TRAF3IP3: variants seen among roughly 807,000 people sequenced by gnomAD.
The protein encoded by TRAF3IP3 is TRAF3 interacting protein 3.
In TRAF3IP3, 64 loss-of-function variants were observed where a neutral mutation model predicts 86.5. The ratio of observed to expected loss-of-function variants is 0.74; its 90% CI spans 0.60 to 0.91. The LOEUF (loss-of-function observed/expected upper bound fraction) is 0.91. Among genes scored for constraint, TRAF3IP3 ranks in the 40% least tolerant of loss-of-function variants. The probability of loss-of-function intolerance (pLI) is 0.00; values close to 1 mark genes in which losing one functional copy is unlikely to be tolerated. For missense variants in TRAF3IP3, 579 were observed against 642.9 expected (o/e 0.90, Z 1.07); for synonymous variants, 220 against 243.9 (o/e 0.90, Z 0.91).
chr1:209,770,683 GTGTGTGTGCATGTGGAGGT>G (rs1271606698), intron 8 of TRAF3IP3, among the ~76,000 whole-genome samples: 12 of 141,342 alleles, frequency 8.5e-5, no homozygotes, highest in South Asian at 4.8e-4. Flanking sequence ...ATATGGAGGT[GTGTGTGTGCATGTGGAGGT>G]GTGTGTGTGC....
chr1:209,776,769 C>T (rs1015256535), intron 11 of TRAF3IP3: 3 of 152,118 alleles, frequency 2.0e-5, no homozygotes, highest in African/African-American at 7.2e-5. Flanking sequence ...GACATGACTC[C>T]CACACCAATG....
At position 209,782,194 on chromosome 1, in the gene TRAF3IP3, T is replaced by C. The variant is rs748195490; in HGVS notation, c.*46T>C. 1 of 1,523,806 alleles carries C rather than the reference T, an allele frequency of 6.6e-7. No individual in the cohort carries two copies. Among genetic ancestry groups the C allele is most frequent in the Non-Finnish European group, 9.1e-7 (1 of 1,097,660 alleles). 94.4% of individuals were successfully genotyped at this position (1,523,806 alleles called of 1,614,324 possible). On this transcript the variant is annotated 3_prime_UTR_variant, in exon 17 of 17. Coordinates refer to ENST00000367025, the MANE Select transcript of TRAF3IP3 (RefSeq NM_025228.4). ...TGGGTGAAAATCAGAAGCAAGCAACTCAGCGAAAAACTCAGAAGGTTTGGG... is the reference window on the plus strand; with the variant it reads ...TGGGTGAAAATCAGAAGCAAGCAACCCAGCGAAAAACTCAGAAGGTTTGGG...
intron 3 of TRAF3IP3, among the ~76,000 whole-genome samples, chr1:209,761,993 A>C (rs1185838529): frequency 6.6e-6 from 1 of 152,262 alleles, no homozygotes; most frequent in Non-Finnish European, 1.5e-5. Flanking sequence ...TATCAGGAGC[A>C]GGAGAAGCCT....
chr1:209,768,596 G>A lies in TRAF3IP3; in HGVS notation c.703-4352G>A, dbSNP rs953855467. 6 of 985,896 alleles carry A rather than the reference G, an allele frequency of 6.1e-6. No homozygotes were observed. In the South Asian group the frequency reaches 1.4e-4, roughly 23 times the overall value. 61.1% of individuals were successfully genotyped at this position (985,896 alleles called of 1,614,324 possible). ...GTGGTGAGGTGGTGGTGTTTCTGGA[G>A]AGCAGATCAGAGGCAGGGGAAAACC... On this transcript the variant is annotated intron_variant, in intron 8 of 16. Transcript: ENST00000367025.
Position 209,782,132 on chromosome 1 carries a change from A to G in TRAF3IP3, c.1640A>G (p.Asp547Gly). 6.2e-7 allele frequency: 1 copy of G among 1,613,964 alleles called. No homozygotes were observed. Among genetic ancestry groups the G allele is most frequent in the South Asian group, 1.1e-5 (1 of 91,082 alleles). Residue 547 changes from aspartate to glycine, a missense_variant, in exon 17 of 17, where the codon GAC becomes GGC. Transcript: ENST00000367025. ...AALAVFLANK[D>G]NLMI Reference sequence around the variant, plus strand: ...CTGGCAGTGTTCCTGGCCAATAAAGACAACCTGATGATCTGAATAATTTGT... The same window carrying G: ...CTGGCAGTGTTCCTGGCCAATAAAGGCAACCTGATGATCTGAATAATTTGT...
At chr1:209,780,692 G>A (rs1220609175) in intron 15 of TRAF3IP3, 86 bp downstream of exon 15, 1 of 1,317,300 alleles carries the variant, frequency 7.6e-7, no homozygotes, top group Non-Finnish European at 1.0e-6. Context: ...GGATTTCAAA[G>A]TTTAAGTTGT....
At chr1:209,762,927 C>T in intron 5 of TRAF3IP3, 57 bp downstream of exon 5, 4 of 1,608,308 alleles carry the variant, frequency 2.5e-6, no homozygotes, top group Non-Finnish European at 3.4e-6. Context: ...AGAGAGAACA[C>T]AATGAATTTC....
rs1558016223 is a variant in TRAF3IP3, at chr1:209,768,499, G to A, written c.703-4449G>A. 1.0e-5 allele frequency: 10 copies of A among 985,464 alleles called. No homozygotes were observed. In the South Asian group the frequency reaches 1.9e-4, roughly 19 times the overall value. The allele number at this position is 985,464 out of a possible 1,614,324, so 61.0% of individuals were successfully genotyped here. A position where few individuals can be genotyped will look rare whatever the true frequency, so the allele number is the denominator to read the frequency against. ...GGAATTAAGATCTTGAGATGACAGC[G>A]CAGCGGGGATTGGCTGAAGCCCTAA... On this transcript the variant is annotated intron_variant, in intron 8 of 16. Coordinates refer to ENST00000367025, the MANE Select transcript of TRAF3IP3 (RefSeq NM_025228.4).
Position 209,760,192 on chromosome 1 carries a change from C to A in TRAF3IP3, c.153C>A (p.Ile51=). 3 of 1,614,238 alleles carry A rather than the reference C, an allele frequency of 1.9e-6. No individual in the cohort carries two copies. The highest frequency in any genetic ancestry group is 2.5e-6 in the Non-Finnish European group (3 of 1,180,050). The change falls in exon 3 of 17, where the codon ATC becomes ATA. Residue 51 remains isoleucine, a synonymous_variant. Transcript: ENST00000367025. Reference sequence around the variant, plus strand: ...GCCAGGTGGGGAAGACGCTGAGGATCCAACAGAGAGAGCAGCTCCAGAGAG... The same window carrying A: ...GCCAGGTGGGGAAGACGCTGAGGATACAACAGAGAGAGCAGCTCCAGAGAG... ...TCRQVGKTLR[I]QQREQLQRAR...
At chr1:209,775,816 G>GC in intron 11 of TRAF3IP3, 80 bp downstream of exon 11, 3 of 1,377,916 alleles carry the variant, frequency 2.2e-6, no homozygotes, top group Admixed American at 2.4e-5. Context: ...TCTGGATTAG[G>GC]GACTCCAAAG....
At chr1:209,777,633 G>A in intron 12 of TRAF3IP3, 146 bp downstream of exon 12, 1 of 820,758 alleles carries the variant, frequency 1.2e-6, no homozygotes, top group Non-Finnish European at 1.9e-6. Flanking sequence ...TTTACCTTGA[G>A]GGAGAGGCAG....
chr1:209,780,485 T>C lies in TRAF3IP3; in HGVS notation c.1328T>C (p.Val443Ala), dbSNP rs753919691. Residue 443 changes from valine (V) to alanine (A), a missense_variant, in exon 15 of 17, where the codon GTG becomes GCG. Physicochemically the swap from Val to Ala is moderately conservative, Grantham distance 64 (BLOSUM62 0). Transcript: ENST00000367025. The stretch of plus-strand genomic sequence containing the variant: ...GCTTTTTTAGATCAGGCTTTGCCCG[T>C]GTGGAGTCCAAAGTCCTTCCCTAAC... ...LLTKKDQALP[V>A]WSPKSFPNEV... 20 of 1,594,088 alleles carry C rather than the reference T, an allele frequency of 1.3e-5. No homozygotes were observed. In the African/African-American group the frequency reaches 1.9e-4, roughly 15 times the overall value.
intron 12 of TRAF3IP3, 25 bp from the exon 13 acceptor site, chr1:209,778,086 T>C (rs2077696374): frequency 1.2e-6 from 2 of 1,611,248 alleles, no homozygotes; most frequent in South Asian, 1.1e-5. Context: ...TTCCTTTATT[T>C]TGGCTTGCAT....
chr1:209,781,056 AT>A (rs2077767752), intron 15 of TRAF3IP3: 1 of 232,724 alleles, frequency 4.3e-6, no homozygotes. Context: ...TAAGAACTTC[AT>A]TTTTCGGTGT....
rs762033115 is a variant in TRAF3IP3, at chr1:209,762,480, G to A, written c.346-35G>A. On this transcript the variant is annotated intron_variant, in intron 3 of 16. Coordinates refer to ENST00000367025, the MANE Select transcript of TRAF3IP3 (RefSeq NM_025228.4). ...AGGAGAGTCTTTCAAGAGGCTCCAG[G>A]CAGTGGTTTTCAGCATTCCCCACTT... 69 of 1,438,748 alleles carry A rather than the reference G, an allele frequency of 4.8e-5. 1 individual carries two copies. Among genetic ancestry groups the A allele is most frequent in the Non-Finnish European group, 6.2e-5 (68 of 1,092,056 alleles). The allele number at this position is 1,438,748 out of a possible 1,614,324, so 89.1% of individuals were successfully genotyped here. A position where few individuals can be genotyped will look rare whatever the true frequency, so the allele number is the denominator to read the frequency against.
chr1:209,771,020 ATG>A (rs144661554), intron 8 of TRAF3IP3, among the ~76,000 whole-genome samples: 4,192 of 91,944 alleles, frequency 0.046, 352 homozygotes, highest in East Asian at 0.32. Context: ...GTGCATGTGG[ATG>A]TGTGTGTGTG....
intron 11 of TRAF3IP3, chr1:209,776,692 A>G (rs527447236): frequency 6.6e-6 from 1 of 152,252 alleles, no homozygotes; most frequent in East Asian, 1.9e-4. Context: ...GAAAAAAGAG[A>G]AAATGAAAAC....
Position 209,763,092 on chromosome 1 carries a change from G to C in TRAF3IP3, c.576G>C (p.Lys192Asn). The C allele has an allele frequency of 1.2e-6, 2 of 1,613,230 alleles. No individual in the cohort carries two copies. Among genetic ancestry groups the C allele is most frequent in the Non-Finnish European group, 1.7e-6 (2 of 1,179,494 alleles). ...GTTACGGAGTTGCAGTTCTGGATAA[G>C]GTAAGCACATATTCACTTTGAAGGG... ...QTNYGVAVLD[K>N]EIIQLSDYLK... The change falls in exon 6 of 17, where the codon AAG (lysine) becomes AAC (asparagine). Residue 192 changes from lysine to asparagine, a missense_variant and splice_region_variant. Transcript: ENST00000367025.
At chr1:209,770,660 GGTGT>G (rs562221009) in intron 8 of TRAF3IP3, among the ~76,000 whole-genome samples, 20 of 142,156 alleles carry the variant, frequency 1.4e-4, no homozygotes, top group East Asian at 4.4e-4. Context: ...TGCATGTGAA[GGTGT>G]GTGTGTGCAT....
Sources: gnomAD v4.1 joint callset for allele counts (sites outside exome capture counted in the v4.1 genomes callset) on GRCh38, gnomAD v4.1.1 for gene constraint, MANE v1.5 for transcripts, NCBI Gene and HGNC (gene_info 2026-07-23, HGNC 2026-07-21) for gene names.